MGAT4C: variants seen among roughly 807,000 people sequenced by gnomAD.
MGAT4C encodes MGAT4 family member C.
A neutral mutation model predicts 40.1 loss-of-function variants in MGAT4C; 19 were observed. The ratio of observed to expected loss-of-function variants is 0.47; its 90% confidence interval spans 0.33 to 0.70. The LOEUF (loss-of-function observed/expected upper bound fraction) is 0.70. MGAT4C is among the 30% of genes least tolerant of loss of function. MGAT4C has a pLI of 0.02. For missense variants in MGAT4C, 491 were observed against 563.2 expected (o/e 0.87, Z 1.30); for synonymous variants, 181 against 187.1 (o/e 0.97, Z 0.27).
chr12:86,247,843 GAAGAGTTTTA>G (rs1345313858), intron 1 of MGAT4C, among the ~76,000 whole-genome samples: 1 of 152,164 alleles, frequency 6.6e-6, no homozygotes, highest in East Asian at 1.9e-4. Context: ...GAAGGCCACT[GAAGAGTTTTA>G]GGTCACAAGG....
At chr12:86,605,243 G>C (rs1330285307) in intron 2 of MGAT4C, among the ~76,000 whole-genome samples, 1 of 152,030 alleles carries the variant, frequency 6.6e-6, no homozygotes, top group Non-Finnish European at 1.5e-5. Context: ...GTAAATTCTT[G>C]TATAATTGCT....
At chr12:86,157,051 C>A (rs1426243497) in intron 1 of MGAT4C, among the ~76,000 whole-genome samples, 1 of 151,864 alleles carries the variant, frequency 6.6e-6, no homozygotes, top group Non-Finnish European at 1.5e-5. Context: ...TAAAGAGCCA[C>A]TTCAAAATTG....
At chr12:86,481,118 T>C (rs923418793) in intron 2 of MGAT4C, among the ~76,000 whole-genome samples, 1 of 152,032 alleles carries the variant, frequency 6.6e-6, no homozygotes, top group Admixed American at 6.6e-5. Flanking sequence ...TAATAAAAGT[T>C]AAACCTAATA....
intron 2 of MGAT4C, among the ~76,000 whole-genome samples, chr12:86,513,981 T>C (rs75722296): frequency 0.022 from 3,327 of 150,894 alleles, 60 homozygotes; most frequent in Non-Finnish European, 0.033. Context: ...CCCTAGAGAA[T>C]TGTCATCATC....
chr12:86,561,025 TA>T (rs1959838185), intron 2 of MGAT4C, among the ~76,000 whole-genome samples: 1 of 151,924 alleles, frequency 6.6e-6, no homozygotes, highest in South Asian at 2.1e-4. Context: ...AAAAAGAAAC[TA>T]AAAAAGCACT....
At chr12:86,200,598 T>C (rs1336877213) in intron 1 of MGAT4C, among the ~76,000 whole-genome samples, 1 of 152,168 alleles carries the variant, frequency 6.6e-6, no homozygotes, top group Admixed American at 6.5e-5. Flanking sequence ...ATTTGTTTCC[T>C]TGATGACTGA....
chr12:86,671,635 A>G (rs1453941852), intron 2 of MGAT4C, among the ~76,000 whole-genome samples: 1 of 152,184 alleles, frequency 6.6e-6, no homozygotes, highest in Non-Finnish European at 1.5e-5. Context: ...GGAGACCAAA[A>G]AGAGCAGGAG....
intron 2 of MGAT4C, among the ~76,000 whole-genome samples, chr12:86,669,035 T>G (rs2136560751): frequency 6.6e-6 from 1 of 152,192 alleles, no homozygotes; most frequent in Admixed American, 6.5e-5. Context: ...TTTGGAGCAC[T>G]TGCTTGCCCG....
chr12:86,549,071 C>A (rs1405432222), intron 2 of MGAT4C, among the ~76,000 whole-genome samples: 2 of 151,986 alleles, frequency 1.3e-5, no homozygotes, highest in African/African-American at 4.8e-5. Flanking sequence ...ATGGAAAATC[C>A]TTAAAACCAG....
rs371774360 is a variant in MGAT4C at position 86,201,649 on chromosome 12, G to A, written c.-57+54590C>T. 2.2e-4 allele frequency among the ~76,000 whole-genome samples: 33 copies of A among 151,632 alleles called. No individual in the cohort carries two copies. The East Asian group carries it at 4.1e-3, about 19-fold the overall frequency. On this transcript the variant is annotated intron_variant, in intron 1 of 4. Transcript: ENST00000611864. ...TTTAGTGTTGTTTTGACTATTCTAG[G>A]TCCTTTGAATTTCCAGAATAATTGG... is the stretch of plus-strand genomic sequence containing the variant.
At chr12:86,176,342 T>C (rs1304416406) in intron 1 of MGAT4C, among the ~76,000 whole-genome samples, 2 of 152,196 alleles carry the variant, frequency 1.3e-5, no homozygotes, top group Non-Finnish European at 2.9e-5. Context: ...GATAATCCAA[T>C]TCAGGATTCA....
intron 3 of MGAT4C, among the ~76,000 whole-genome samples, chr12:86,359,379 G>T (rs1955400176): frequency 6.6e-6 from 1 of 152,124 alleles, no homozygotes. Flanking sequence ...AAAGAGGAAA[G>T]ATCTAAAATT....
At chr12:86,225,498 A>C (rs1951040704) in intron 1 of MGAT4C, among the ~76,000 whole-genome samples, 1 of 152,136 alleles carries the variant, frequency 6.6e-6, no homozygotes, top group South Asian at 2.1e-4. Flanking sequence ...ACACAAAAAG[A>C]AAACTGCAGG....
chr12:86,265,779 C>A (rs1010007861), intron 4 of MGAT4C, among the ~76,000 whole-genome samples: 4 of 152,134 alleles, frequency 2.6e-5, no homozygotes, highest in Admixed American at 6.5e-5. Flanking sequence ...TGTTTCCAGT[C>A]CATGAGCTTG....
At chr12:86,622,774 A>C (rs1962680265) in intron 2 of MGAT4C, among the ~76,000 whole-genome samples, 1 of 152,178 alleles carries the variant, frequency 6.6e-6, no homozygotes, top group Non-Finnish European at 1.5e-5. Context: ...AAATTCAAGA[A>C]AGCAATAAAA....
intron 1 of MGAT4C, among the ~76,000 whole-genome samples, chr12:86,194,219 A>G (rs1229513972): frequency 6.6e-6 from 1 of 152,120 alleles, no homozygotes; most frequent in Admixed American, 6.6e-5. Context: ...ACCTTGTTGT[A>G]TACATTAATC....
At chr12:86,522,351 T>G (rs1379032500) in intron 2 of MGAT4C, among the ~76,000 whole-genome samples, 1 of 152,166 alleles carries the variant, frequency 6.6e-6, no homozygotes, top group Non-Finnish European at 1.5e-5. Context: ...CCACATCTAT[T>G]GAGATAATCA....
chr12:86,540,279 CT>C (rs1959150443), intron 2 of MGAT4C, among the ~76,000 whole-genome samples: 1 of 152,168 alleles, frequency 6.6e-6, no homozygotes, highest in Admixed American at 6.5e-5. Context: ...GCCAGCAGCC[CT>C]AAAAACAGCT....
intron 1 of MGAT4C, among the ~76,000 whole-genome samples, chr12:86,798,096 A>G (rs1253866429): frequency 6.6e-6 from 1 of 151,882 alleles, no homozygotes; most frequent in East Asian, 1.9e-4. Flanking sequence ...CCCTACATAC[A>G]ACCCTTTGTT....
Sources: allele counts gnomAD v4.1 joint callset (sites outside exome capture counted in the v4.1 genomes callset), GRCh38; gene constraint gnomAD v4.1.1; transcripts MANE v1.5; gene names NCBI Gene and HGNC (gene_info 2026-07-23, HGNC 2026-07-21).